Variants in DMKN observed in about 807,000 individuals in gnomAD.
DMKN encodes epidermis-specific secreted protein SK30/SK89.
Under a neutral mutation model 67.6 loss-of-function variants are expected in DMKN, and 58 were observed. The observed-to-expected ratio is 0.86, with a 90% CI of 0.69 to 1.07. The LOEUF (loss-of-function observed/expected upper bound fraction) is 1.07, where lower values mean the gene tolerates loss of function less well. Ranked by LOEUF, DMKN falls within the 50% of genes least tolerant of loss-of-function variation. DMKN has a pLI of 0.00. For missense variants in DMKN, 596 were observed against 601.5 expected, an observed-to-expected ratio of 0.99 and a Z score of 0.10; for synonymous variants, 240 against 232.3, an observed-to-expected ratio of 1.03 and a Z score of -0.30.
In DMKN at chr19:35,510,155, TTGGTGGGAGA is replaced by T. The variant is rs750583816; in HGVS notation, c.987+19_987+28del. On this transcript the variant is annotated intron_variant, in intron 6 of 15. Coordinates refer to ENST00000339686, the MANE Select transcript of DMKN (RefSeq NM_033317.5). The stretch of plus-strand genomic sequence containing the variant: ...GCTGCTCTCCTTTTCCTTCCCGCGG[TTGGTGGGAGA>T]TTCACGCCAGCCACTCACCCCGGGT... 1 of 1,593,476 alleles carries T rather than the reference TTGGTGGGAGA, an allele frequency of 6.3e-7. No individual in the cohort carries two copies. The highest frequency in any genetic ancestry group is 1.1e-5 in the South Asian group (1 of 88,630).
In DMKN at chr19:35,506,455, C is replaced by T. The variant is rs192281864; in HGVS notation, c.1039-469G>A. On this transcript the variant is annotated intron_variant, in intron 7 of 15. Coordinates refer to ENST00000339686, the MANE Select transcript of DMKN (RefSeq NM_033317.5). ...CCATCCTGGTCTGTCCCCAAAACAC[C>T]TCAAGCAAATGAGATTAGCTAACGT... 1.3e-3 allele frequency: 805 copies of T among 640,270 alleles called. 7 individuals carry two copies. In the African/African-American group the frequency reaches 0.013, roughly 10 times the overall value. The allele number at this position is 640,270 out of a possible 1,614,324, so 39.7% of individuals were successfully genotyped here.
intron 7 of DMKN, chr19:35,506,802 T>A: frequency 4.0e-6 from 1 of 251,516 alleles, no homozygotes; most frequent in Admixed American, 4.7e-5. Context: ...TCACCTGAGG[T>A]CAGGAGTTTG....
rs377520336 is a variant in DMKN, at chr19:35,500,590, A to G, written c.1240-10T>C. The G allele has an allele frequency of 6.9e-6, 11 of 1,603,134 alleles. No individual in the cohort carries two copies. The highest frequency in any genetic ancestry group is 1.3e-5 in the African/African-American group (1 of 74,710). On this transcript the variant is annotated splice_polypyrimidine_tract_variant and intron_variant, in intron 11 of 15. Coordinates refer to ENST00000339686, the MANE Select transcript of DMKN (RefSeq NM_033317.5). ...ATGACGCGTCCGCACCCTGAAAGGAAGAAGGGGCCACAGTTCGTGCCTCCG... is the reference window on the plus strand; with the variant it reads ...ATGACGCGTCCGCACCCTGAAAGGAGGAAGGGGCCACAGTTCGTGCCTCCG...
intron 7 of DMKN, chr19:35,508,172 C>T (rs1453511098): frequency 6.4e-7 from 1 of 1,551,898 alleles, no homozygotes; most frequent in East Asian, 2.4e-5. Context: ...ACTACCGGCA[C>T]AGTCTCTGAC....
intron 1 of DMKN, 82 bp downstream of exon 1, chr19:35,512,968 C>T: frequency 3.2e-6 from 5 of 1,577,276 alleles, no homozygotes; most frequent in Non-Finnish European, 2.6e-6. Flanking sequence ...GAGATCCATC[C>T]ATCCTTTCAA....
Position 35,498,805 on chromosome 19 carries a change from C to T in DMKN, c.1384-42G>A, listed in dbSNP as rs764103924. On this transcript the variant is annotated intron_variant, in intron 14 of 15. Transcript: ENST00000339686. ...AAGTCTGAGTGGCCACCACAGGGTC[C>T]CTTCCATACCCTCTGGCCTCAGGCC... The T allele has an allele frequency of 3.5e-5, 56 of 1,614,034 alleles. No individual in the cohort carries two copies. The South Asian group carries it at 4.4e-4, about 13-fold the overall frequency.
In DMKN at chr19:35,505,982, G is replaced by T; in HGVS notation, c.1043C>A (p.Ser348Tyr). 1.2e-6 allele frequency: 2 copies of T among 1,614,156 alleles called. No homozygotes were observed. Among genetic ancestry groups the T allele is most frequent in the Non-Finnish European group, 1.7e-6 (2 of 1,180,028 alleles). ...RGSGESGIQN[S>Y]ETSPGMFNFD... ...GTTAAACATCCCAGGAGACGTCTCA[G>T]AGTTCTATGGAACCAAGGAGATATG... The change falls in exon 8 of 16, where the codon TCT becomes TAT. Residue 348 changes from serine (S) to tyrosine (Y), a missense_variant. Transcript: ENST00000339686.
intron 13 of DMKN, 131 bp from the exon 14 acceptor site, chr19:35,499,028 T>C (rs1204263669): frequency 7.6e-7 from 1 of 1,317,418 alleles, no homozygotes; most frequent in African/African-American, 1.5e-5. Context: ...TTTTCCAGTC[T>C]GACTGTGGAC....
chr19:35,513,479 T>C lies in DMKN; in HGVS notation c.-4A>G. 6.3e-7 allele frequency: 1 copy of C among 1,592,128 alleles called. No individual in the cohort carries two copies. Among genetic ancestry groups the C allele is most frequent in the Non-Finnish European group, 8.5e-7 (1 of 1,176,948 alleles). ...CCAGGGGCCCCTGGAACTTCATCTCTGCCCAGCCCCCTCTCTCTCCAGAGT... is the reference window on the plus strand; with the variant it reads ...CCAGGGGCCCCTGGAACTTCATCTCCGCCCAGCCCCCTCTCTCTCCAGAGT... On this transcript the variant is annotated 5_prime_UTR_variant, in exon 1 of 16. Transcript: ENST00000339686.
At chr19:35,508,290 C>T in intron 7 of DMKN, 1 of 1,547,418 alleles carries the variant, frequency 6.5e-7, no homozygotes, top group East Asian at 2.5e-5. Context: ...ATCCTGAGGC[C>T]ACCCCCGAAA....
intron 7 of DMKN, chr19:35,507,513 T>G: frequency 6.4e-7 from 1 of 1,551,314 alleles, no homozygotes; most frequent in Non-Finnish European, 8.7e-7. Context: ...GCTTATTTCC[T>G]AGGGAGACAG....
At chr19:35,508,622 T>C (rs901020049) in intron 7 of DMKN, 4 of 176,122 alleles carry the variant, frequency 2.3e-5, no homozygotes, top group Admixed American at 6.3e-5. Flanking sequence ...TGGGGGAAAA[T>C]TTTAGTTCTA....
At chr19:35,506,289 C>T in intron 7 of DMKN, 1 of 1,157,576 alleles carries the variant, frequency 8.6e-7, no homozygotes, top group Non-Finnish European at 1.2e-6. Context: ...TCGGTCCAGG[C>T]TTCCTGTCCT....
chr19:35,501,099 T>A (rs2068273184), intron 11 of DMKN, among the ~76,000 whole-genome samples: 1 of 152,108 alleles, frequency 6.6e-6, no homozygotes, highest in South Asian at 2.1e-4. Context: ...CTTAAGACAC[T>A]GCAGATGCAC....
chr19:35,500,319 G>T, intron 12 of DMKN: 1 of 1,536,784 alleles, frequency 6.5e-7, no homozygotes, highest in Non-Finnish European at 8.8e-7. Flanking sequence ...GGTGAGGGTA[G>T]GAGACCAAGA....
intron 13 of DMKN, 27 bp from the exon 14 acceptor site, chr19:35,498,924 G>A: frequency 6.2e-7 from 1 of 1,614,170 alleles, no homozygotes; most frequent in South Asian, 1.1e-5. Flanking sequence ...GGAAAGTGAT[G>A]TGGGGTCATG....
intron 7 of DMKN, chr19:35,509,637 G>C: frequency 2.3e-6 from 1 of 436,454 alleles, no homozygotes. Context: ...GGACATTTAA[G>C]ACAATTGTGC....
intron 7 of DMKN, chr19:35,508,221 A>C: frequency 6.4e-7 from 1 of 1,551,486 alleles, no homozygotes; most frequent in Non-Finnish European, 8.7e-7. Context: ...GTTGCTGGAA[A>C]CTCCCTGTCC....
chr19:35,509,787 C>G, intron 7 of DMKN, 124 bp downstream of exon 7: 1 of 1,171,028 alleles, frequency 8.5e-7, no homozygotes, highest in East Asian at 2.4e-5. Flanking sequence ...TTTCTTCTGC[C>G]GAAATAGTCA....
Sources: gnomAD v4.1 joint callset for allele counts (sites outside exome capture counted in the v4.1 genomes callset) on GRCh38, gnomAD v4.1.1 for gene constraint, MANE v1.5 for transcripts, NCBI Gene and HGNC (gene_info 2026-07-23, HGNC 2026-07-21) for gene names.